Variants in SGSM2 observed in about 807,000 individuals in gnomAD.
SGSM2 encodes the protein small G protein signaling modulator 2.
A neutral mutation model predicts 126.6 loss-of-function variants in SGSM2; 89 were observed. The observed-to-expected ratio is 0.70, with a 90% CI of 0.59 to 0.84. The LOEUF (loss-of-function observed/expected upper bound fraction) is 0.84, where lower values mean the gene tolerates loss of function less well. SGSM2 is among the 40% of genes least tolerant of loss of function. SGSM2 has a pLI of 0.00. For missense variants in SGSM2, 1,404 were observed against 1,416.6 expected (o/e 0.99, Z 0.14); for synonymous variants, 614 against 574.3 (o/e 1.07, Z -0.99).
Position 2,380,621 on chromosome 17 carries a change from C to T in SGSM2, c.*1101C>T. 1 of 426,676 alleles carries T rather than the reference C, an allele frequency of 2.3e-6. No individual in the cohort carries two copies. The highest frequency in any genetic ancestry group is 4.3e-6 in the Non-Finnish European group (1 of 230,932). The allele number at this position is 426,676 out of a possible 1,614,324, so 26.4% of individuals were successfully genotyped here. ...CGGGGGTGCCAGGAAGGGCATAGCT[C>T]CTGCCCCCAGGCCTAGGCATGCTGC... On this transcript the variant is annotated 3_prime_UTR_variant, in exon 24 of 24. Coordinates refer to ENST00000268989, the MANE Select transcript of SGSM2 (RefSeq NM_014853.3).
At chr17:2,357,775 G>A (rs1250615453) in intron 2 of SGSM2, among the ~76,000 whole-genome samples, 2 of 152,190 alleles carry the variant, frequency 1.3e-5, no homozygotes, top group African/African-American at 4.8e-5. Flanking sequence ...GGGATTACAG[G>A]TGTGAGCCAC....
rs979792655 is a variant in SGSM2, at chr17:2,352,933, ACGC to A, written c.134-8702_134-8700del. On this transcript the variant is annotated intron_variant, in intron 2 of 23. Transcript: ENST00000268989. ...GCTGGGACTACAGGCGTCCGCCACC[ACGC>A]CCGGCTAATTTTTTGTATTTTTAGT... Among the ~76,000 whole-genome samples, 14 of 119,520 alleles carry A rather than the reference ACGC, an allele frequency of 1.2e-4. 1 individual carries two copies. The highest frequency in any genetic ancestry group is 1.1e-3 in the Admixed American group (14 of 12,378). 78.4% of individuals were successfully genotyped at this position (119,520 alleles called of 152,430 possible).
chr17:2,349,879 C>G (rs971888329), intron 2 of SGSM2, among the ~76,000 whole-genome samples: 12 of 151,924 alleles, frequency 7.9e-5, no homozygotes, highest in South Asian at 4.2e-4. Context: ...GCTCCGCCTC[C>G]CGGGTTCACA....
chr17:2,377,786 G>A, intron 21 of SGSM2, 71 bp from the exon 22 acceptor site: 1 of 1,009,544 alleles, frequency 9.9e-7, no homozygotes, highest in Middle Eastern at 2.4e-4. Flanking sequence ...GGCGTGAGCG[G>A]ACGGTGAGTG....
At chr17:2,366,933 G>A (rs957811032) in intron 11 of SGSM2, 17 of 261,762 alleles carry the variant, frequency 6.5e-5, no homozygotes, top group Admixed American at 1.9e-4. Context: ...GCTGTCATGC[G>A]CAGCCTCTGT....
chr17:2,375,373 T>G, intron 17 of SGSM2, 119 bp from the exon 18 acceptor site: 1 of 1,300,056 alleles, frequency 7.7e-7, no homozygotes, highest in Non-Finnish European at 1.0e-6. Context: ...TGTTGGAGGC[T>G]GTGGTGGGAG....
rs562371883 is a variant in SGSM2, at chr17:2,379,158, C to T, written c.3022C>T (p.Arg1008Cys). The T allele has an allele frequency of 7.4e-6, 12 of 1,614,118 alleles. No homozygotes were observed. In the South Asian group the frequency reaches 7.7e-5, roughly 10 times the overall value. ...GGTGGAGGCCTACCGAGAGATCATC[C>T]GTGACAACAACATGGACTTCACTGA... ...ALVEAYREII[R>C]DNNMDFTDII... The change falls in exon 23 of 24, where the codon CGT becomes TGT. Residue 1008 changes from arginine to cysteine, a missense_variant. Arg to Cys is a radical substitution (Grantham distance 180). Transcript: ENST00000268989.
intron 1 of SGSM2, among the ~76,000 whole-genome samples, chr17:2,341,071 T>A (rs1025150096): frequency 1.2e-4 from 19 of 152,160 alleles, no homozygotes; most frequent in Admixed American, 1.2e-3. Context: ...GCTGTGACAT[T>A]ATCCTCTGTT....
rs927991840 is a variant in SGSM2 at position 2,346,967 on chromosome 17, T to C, written c.133+3347T>C. ...CGCTGGGCATGGTGGTGCACGCCTG[T>C]AGTCCCAGCTACTCCAGAGGCTGAG... is the stretch of plus-strand genomic sequence containing the variant. On this transcript the variant is annotated intron_variant, in intron 2 of 23. Coordinates refer to ENST00000268989, the MANE Select transcript of SGSM2 (RefSeq NM_014853.3). 4.6e-5 allele frequency among the ~76,000 whole-genome samples: 7 copies of C among 152,080 alleles called. No homozygotes were observed. In the South Asian group the frequency reaches 1.2e-3, roughly 27 times the overall value.
chr17:2,373,453 C>T lies in SGSM2; in HGVS notation c.2040C>T (p.Gly680=), dbSNP rs748217992. The T allele has an allele frequency of 2.5e-6, 4 of 1,610,056 alleles. No individual in the cohort carries two copies. In the East Asian group the frequency reaches 8.9e-5, roughly 36 times the overall value. Residue 680 remains glycine (G), a synonymous_variant, in exon 17 of 24, where the codon GGC becomes GGT. Coordinates refer to ENST00000268989, the MANE Select transcript of SGSM2 (RefSeq NM_014853.3). ...CCACACGCACCAAGTTCTCCTCAGG[C>T]AGCAGCATCGACAGCCACGTGCAGC... ...HPATRTKFSS[G]SSIDSHVQRL...
At chr17:2,378,997 G>C (rs781491507) in intron 22 of SGSM2, 39 bp from the exon 23 acceptor site, 2 of 1,593,662 alleles carry the variant, frequency 1.3e-6, no homozygotes, top group Non-Finnish European at 1.7e-6. Flanking sequence ...CCAGATATGC[G>C]GCTAGGACGG....
At chr17:2,359,699 C>T (rs1027118092) in intron 2 of SGSM2, among the ~76,000 whole-genome samples, 2 of 152,182 alleles carry the variant, frequency 1.3e-5, no homozygotes, top group African/African-American at 2.4e-5. Flanking sequence ...ACTCCCCAGT[C>T]CCCACGGCCT....
At chr17:2,339,706 T>G (rs541478713) in intron 1 of SGSM2, among the ~76,000 whole-genome samples, 2 of 119,598 alleles carry the variant, frequency 1.7e-5, no homozygotes, top group East Asian at 5.0e-4. Context: ...ACACTCCATC[T>G]CAAAAAAAAA....
intron 1 of SGSM2, among the ~76,000 whole-genome samples, chr17:2,338,182 G>C (rs1040669302): frequency 6.6e-6 from 1 of 152,146 alleles, no homozygotes; most frequent in Non-Finnish European, 1.5e-5. Flanking sequence ...TGTCGTGCGG[G>C]CTGAGCTCCC....
intron 1 of SGSM2, among the ~76,000 whole-genome samples, chr17:2,339,277 A>C (rs921819427): frequency 2.0e-5 from 3 of 151,044 alleles, no homozygotes; most frequent in Non-Finnish European, 4.4e-5. Context: ...AAAAACAAAA[A>C]ATACAAAAAT....
At chr17:2,364,825 TG>T in intron 9 of SGSM2, 71 bp from the exon 10 acceptor site, 1 of 1,584,428 alleles carries the variant, frequency 6.3e-7, no homozygotes. Flanking sequence ...CTACCCAGCC[TG>T]GGGGCACTGG....
intron 22 of SGSM2, among the ~76,000 whole-genome samples, chr17:2,378,179 C>T (rs1024888232): frequency 6.6e-6 from 1 of 152,204 alleles, no homozygotes; most frequent in African/African-American, 2.4e-5. Flanking sequence ...CGCCTGTAAA[C>T]CCAGCACTTT....
At chr17:2,342,291 G>C (rs1433253289) in intron 1 of SGSM2, among the ~76,000 whole-genome samples, 1 of 151,858 alleles carries the variant, frequency 6.6e-6, no homozygotes, top group Non-Finnish European at 1.5e-5. Flanking sequence ...AGGTGTGGTG[G>C]TGCATGCCTG....
chr17:2,375,474 C>G lies in SGSM2; in HGVS notation c.2101-18C>G. ...GGTGCTGGAGTGCAGGTGGAGCCGC[C>G]CTGTGTTCACCCCCCAGGTGTTTAT... On this transcript the variant is annotated intron_variant, in intron 17 of 23. Coordinates refer to ENST00000268989, the MANE Select transcript of SGSM2 (RefSeq NM_014853.3). 1 of 1,590,418 alleles carries G rather than the reference C, an allele frequency of 6.3e-7. No individual in the cohort carries two copies. The highest frequency in any genetic ancestry group is 8.6e-7 in the Non-Finnish European group (1 of 1,165,790).
Sources: gnomAD v4.1 joint callset for allele counts (sites outside exome capture counted in the v4.1 genomes callset) on GRCh38, gnomAD v4.1.1 for gene constraint, MANE v1.5 for transcripts, NCBI Gene and HGNC (gene_info 2026-07-23, HGNC 2026-07-21) for gene names.